The following ARHGAP10 variants were observed in gnomAD, a reference collection of about 807,000 sequenced individuals.
The protein encoded by ARHGAP10 is Rho GTPase activating protein 10.
ARHGAP10 carries 87 observed loss-of-function variants against 108.6 expected under a neutral mutation model. The ratio of observed to expected loss-of-function variants is 0.80; its 90% CI spans 0.67 to 0.96. ARHGAP10 has a LOEUF of 0.96. Among genes scored for constraint, ARHGAP10 ranks in the 40% least tolerant of loss-of-function variants. The pLI is 0.00. For synonymous variants in ARHGAP10, 347 were observed against 341.1 expected, an observed-to-expected ratio of 1.02 and a Z score of -0.19; for missense variants, 939 against 954.5, an observed-to-expected ratio of 0.98 and a Z score of 0.21.
intron 1 of ARHGAP10, among the ~76,000 whole-genome samples, chr4:147,802,680 A>G (rs891147706): frequency 6.6e-6 from 1 of 152,202 alleles, no homozygotes; most frequent in South Asian, 2.1e-4. Context: ...TTCTACTTAC[A>G]CTGGTTTTTT....
chr4:147,765,016 G>A (rs1433645172), intron 1 of ARHGAP10, among the ~76,000 whole-genome samples: 2 of 152,180 alleles, frequency 1.3e-5, no homozygotes, highest in Non-Finnish European at 2.9e-5. Context: ...TCTTGCATAA[G>A]TTTTAGGGCT....
In ARHGAP10 at chr4:147,784,749, ATATT is replaced by A. The variant is rs1272052370; in HGVS notation, c.155-37977_155-37974del. 8.8e-4 allele frequency among the ~76,000 whole-genome samples: 21 copies of A among 23,928 alleles called. 3 individuals are homozygous for A. Among genetic ancestry groups the A allele is most frequent in the African/African-American group, 1.3e-3 (17 of 12,874 alleles). 15.7% of individuals were successfully genotyped at this position (23,928 alleles called of 152,430 possible). A position where few individuals can be genotyped will look rare whatever the true frequency, so the allele number is the denominator to read the frequency against. On this transcript the variant is annotated intron_variant, in intron 1 of 22. Transcript: ENST00000336498. ...ATTATAAAATATATATTATAAATAT[ATATT>A]ATAAAATGTATATTATAAATATAAT...
chr4:147,807,527 G>A (rs185230993), intron 1 of ARHGAP10, among the ~76,000 whole-genome samples: 11 of 152,118 alleles, frequency 7.2e-5, no homozygotes, highest in African/African-American at 2.6e-4. Flanking sequence ...TGTATTTTAA[G>A]TGTGTAAGTG....
chr4:147,836,031 A>C (rs1284683360), intron 3 of ARHGAP10, among the ~76,000 whole-genome samples: 1 of 152,164 alleles, frequency 6.6e-6, no homozygotes, highest in Non-Finnish European at 1.5e-5. Flanking sequence ...ATTTTTTCCT[A>C]AGTGTACTTA....
rs369416341 is a variant in ARHGAP10, at chr4:147,831,537, A to C, written c.312+8580A>C. ...TATGTGGATTTCTGTTGGCAGGCAC[A>C]TTCAGAATGGAGGAAATTCATCTTG... On this transcript the variant is annotated intron_variant, in intron 3 of 22. Coordinates refer to ENST00000336498, the MANE Select transcript of ARHGAP10 (RefSeq NM_024605.4). Among the ~76,000 whole-genome samples, 39 of 152,368 alleles carry C rather than the reference A, an allele frequency of 2.6e-4. No individual in the cohort carries two copies. In the South Asian group the frequency reaches 7.7e-3, roughly 30 times the overall value.
At chr4:147,874,406 A>G (rs772541662) in intron 7 of ARHGAP10, among the ~76,000 whole-genome samples, 2 of 152,200 alleles carry the variant, frequency 1.3e-5, no homozygotes, top group African/African-American at 2.4e-5. Flanking sequence ...TGGGTTTCAG[A>G]AATGTGATTT....
chr4:147,782,966 A>G (rs1730605029), intron 1 of ARHGAP10, among the ~76,000 whole-genome samples: 1 of 139,842 alleles, frequency 7.2e-6, no homozygotes, highest in Admixed American at 7.4e-5. Flanking sequence ...TATATAATAT[A>G]TTAAATTATA....
chr4:148,072,042 GA>G lies in ARHGAP10; in HGVS notation c.2323del (p.Arg775GlyfsTer3). 1 of 1,613,720 alleles carries G rather than the reference GA, an allele frequency of 6.2e-7. No individual in the cohort carries two copies. The highest frequency in any genetic ancestry group is 8.5e-7 in the Non-Finnish European group (1 of 1,179,850). On this transcript the variant is annotated frameshift_variant, in exon 23 of 23. Transcript: ENST00000336498. LOFTEE classifies it high-confidence loss of function. ...GWLEGTLNGK[R>X]GLIPQNYVKL... ...GGCTAGAAGGGACTCTGAACGGCAA[GA>G]GGGGGCTGATTCCACAGAACTACGT...
intron 18 of ARHGAP10, among the ~76,000 whole-genome samples, chr4:148,017,652 C>CTATATATA (rs35472561): frequency 0.021 from 2,186 of 105,102 alleles, 46 homozygotes; most frequent in African/African-American, 0.047. Flanking sequence ...GAGCCAGTAA[C>CTATATATA]TATATATATA....
At chr4:147,876,163 G>T (rs1017161494) in intron 8 of ARHGAP10, among the ~76,000 whole-genome samples, 6 of 152,244 alleles carry the variant, frequency 3.9e-5, no homozygotes, top group African/African-American at 7.2e-5. Flanking sequence ...TTTTCCATTT[G>T]CCCTTATTTA....
chr4:147,911,965 T>G (rs1736755916), intron 12 of ARHGAP10, among the ~76,000 whole-genome samples: 1 of 150,024 alleles, frequency 6.7e-6, no homozygotes, highest in African/African-American at 2.5e-5. Flanking sequence ...ATTGTGTTCT[T>G]AGATTCTCAA....
intron 1 of ARHGAP10, among the ~76,000 whole-genome samples, chr4:147,809,723 T>C (rs1041010715): frequency 2.0e-5 from 3 of 152,132 alleles, no homozygotes; most frequent in Non-Finnish European, 2.9e-5. Flanking sequence ...TGGATTGGGT[T>C]GGGGGATGGT....
intron 22 of ARHGAP10, among the ~76,000 whole-genome samples, chr4:148,067,403 G>T (rs1401420439): frequency 1.3e-5 from 2 of 152,162 alleles, no homozygotes; most frequent in Admixed American, 1.3e-4. Flanking sequence ...TGGCTATGGG[G>T]TCTTCCTGTC....
chr4:147,806,742 C>T (rs1731801652), intron 1 of ARHGAP10, among the ~76,000 whole-genome samples: 2 of 152,248 alleles, frequency 1.3e-5, no homozygotes, highest in Non-Finnish European at 2.9e-5. Context: ...CATTCTGTTG[C>T]CCAGGCTGGA....
Position 147,822,881 on chromosome 4 carries a change from C to T in ARHGAP10, c.251-15C>T, listed in dbSNP as rs778587240. The T allele has an allele frequency of 2.1e-5, 34 of 1,613,796 alleles. No homozygotes were observed. The highest frequency in any genetic ancestry group is 2.5e-5 in the Non-Finnish European group (30 of 1,179,856). On this transcript the variant is annotated splice_polypyrimidine_tract_variant and intron_variant, in intron 2 of 22. Transcript: ENST00000336498. ...TTGCCATGGCCACCAAATAATCACT[C>T]CTTTCTTCTTACAGATGCTTCCTTA...
At chr4:147,947,876 A>G (rs939561152) in intron 15 of ARHGAP10, among the ~76,000 whole-genome samples, 8 of 151,522 alleles carry the variant, frequency 5.3e-5, no homozygotes, top group African/African-American at 1.7e-4. Context: ...TCATGGCTCT[A>G]TTATCCTGCT....
intron 16 of ARHGAP10, among the ~76,000 whole-genome samples, chr4:147,956,962 T>C (rs1738809974): frequency 6.6e-6 from 1 of 152,068 alleles, no homozygotes; most frequent in South Asian, 2.1e-4. Context: ...GGTAATAAAA[T>C]CTATGGTGGT....
intron 1 of ARHGAP10, among the ~76,000 whole-genome samples, chr4:147,809,621 C>G (rs988810433): frequency 2.0e-4 from 31 of 152,172 alleles, no homozygotes; most frequent in African/African-American, 7.0e-4. Context: ...TGACTTCAGA[C>G]CCACATTCTC....
At chr4:147,877,458 T>A (rs1392444517) in intron 8 of ARHGAP10, among the ~76,000 whole-genome samples, 2 of 152,236 alleles carry the variant, frequency 1.3e-5, no homozygotes, top group Non-Finnish European at 2.9e-5. Flanking sequence ...AAAGCATTCC[T>A]TTTACATGAG....
Sources: gnomAD v4.1 joint callset for allele counts (sites outside exome capture counted in the v4.1 genomes callset) on GRCh38, gnomAD v4.1.1 for gene constraint, MANE v1.5 for transcripts, NCBI Gene and HGNC (gene_info 2026-07-23, HGNC 2026-07-21) for gene names.